OBSL1: variants seen among roughly 807,000 people sequenced by gnomAD.
OBSL1 encodes the protein obscurin-like protein 1.
Under a neutral mutation model 172.0 loss-of-function variants are expected in OBSL1, and 160 were observed. That is an observed-to-expected ratio of 0.93 (90% CI 0.82 to 1.06). OBSL1 has a LOEUF of 1.06. Among genes scored for constraint, OBSL1 ranks in the 50% least tolerant of loss-of-function variants. The probability of loss-of-function intolerance (pLI) is 0.00; values close to 1 mark genes in which losing one functional copy is unlikely to be tolerated. For missense variants in OBSL1, 2,681 were observed against 2,715.4 expected, an observed-to-expected ratio of 0.99 and a Z score of 0.28; for synonymous variants, 1,200 against 1,196.3, an observed-to-expected ratio of 1.00 and a Z score of -0.06.
In OBSL1 at chr2:219,570,560, G is replaced by A; in HGVS notation, c.673C>T (p.Gln225Ter). ...GGGCTCTCGGGGGGCTGGTGCACCT[G>A]GAGCAGCGCCCCCGCCTGCGCGTGG... ...HGHAQAGALL[Q>*]VHQPPESPPA... Residue 225 changes from glutamine (Q) to a stop codon, truncating the protein, a stop_gained, in exon 1 of 21, where the codon CAG becomes TAG. Transcript: ENST00000404537. LOFTEE classifies it high-confidence loss of function. The A allele has an allele frequency of 6.4e-7, 1 of 1,567,462 alleles. No homozygotes were observed. The highest frequency in any genetic ancestry group is 8.6e-7 in the Non-Finnish European group (1 of 1,159,080).
In OBSL1 at chr2:219,567,129, G is replaced by A; in HGVS notation, c.1838-3C>T. ...TGCCACCAGGCGAGCTGTGGGCACTGAGGCAGGGACAGAGTGCAGCTGTCA... is the reference window on the plus strand; with the variant it reads ...TGCCACCAGGCGAGCTGTGGGCACTAAGGCAGGGACAGAGTGCAGCTGTCA... On this transcript the variant is annotated splice_polypyrimidine_tract_variant and splice_region_variant and intron_variant, in intron 4 of 20. Coordinates refer to ENST00000404537, the MANE Select transcript of OBSL1 (RefSeq NM_015311.3). 6.2e-7 allele frequency: 1 copy of A among 1,612,754 alleles called. No homozygotes were observed. The highest frequency in any genetic ancestry group is 1.1e-5 in the South Asian group (1 of 90,966).
intron 8 of OBSL1, chr2:219,561,980 A>G: frequency 1.4e-6 from 1 of 717,590 alleles, no homozygotes; most frequent in Non-Finnish European, 2.6e-6. Flanking sequence ...CCGGATTGTT[A>G]TTTGAACTGT....
chr2:219,552,607 T>G lies in OBSL1; in HGVS notation c.5237A>C (p.Glu1746Ala). The G allele has an allele frequency of 6.3e-7, 1 of 1,578,390 alleles. No individual in the cohort carries two copies. Among genetic ancestry groups the G allele is most frequent in the South Asian group, 1.1e-5 (1 of 87,384 alleles). Residue 1746 changes from glutamate (E) to alanine (A), a missense_variant, in exon 18 of 21, where the codon GAG becomes GCG. Around this residue, in one of 5 missense-constraint regions of OBSL1, gnomAD observed 1,765 missense variants for 1,748.3 expected, o/e 1.01. Coordinates refer to ENST00000404537, the MANE Select transcript of OBSL1 (RefSeq NM_015311.3). ...ATFECTVSEVETTGRWELGGR... is the reference protein window; with the variant it reads ...ATFECTVSEVATTGRWELGGR... ...TCCGAGCTCCCAGCGCCCCGTGGTC[T>G]CGACCTCCGACACGGTGCACTCGAA... is the stretch of plus-strand genomic sequence containing the variant.
chr2:219,569,799 T>C (rs1183588834), intron 1 of OBSL1, among the ~76,000 whole-genome samples: 5 of 152,246 alleles, frequency 3.3e-5, no homozygotes, highest in Admixed American at 6.5e-5. Flanking sequence ...GAAGTACCTG[T>C]TATATACGTA....
In OBSL1 at chr2:219,563,623, A is replaced by G. The variant is rs1696663548; in HGVS notation, c.2412T>C (p.Pro804=). The G allele has an allele frequency of 1.2e-6, 2 of 1,610,884 alleles. No homozygotes were observed. The highest frequency in any genetic ancestry group is 8.5e-7 in the Non-Finnish European group (1 of 1,177,706). ...SAFFGVTVQD[P]PVHIVDPREH... ...CTCGGGGGTCCACGATGTGCACGGG[A>G]GGATCTGGGTGGGAAGCAGAGATGG... Residue 804 remains proline, a synonymous_variant, in exon 7 of 21, where the codon CCT becomes CCC. Transcript: ENST00000404537.
Position 219,558,271 on chromosome 2 carries a change from T to G in OBSL1, c.3415A>C (p.Thr1139Pro), listed in dbSNP as rs748797002. The G allele has an allele frequency of 1.1e-5, 17 of 1,610,802 alleles. No homozygotes were observed. Among genetic ancestry groups the G allele is most frequent in the Non-Finnish European group, 1.3e-5 (15 of 1,178,780 alleles). Residue 1139 changes from threonine (T) to proline (P), a missense_variant, in exon 10 of 21, where the codon ACC (threonine) becomes CCC (proline). This residue lies in a region of OBSL1 where 1,765 missense variants were observed against 1,748.3 expected (regional missense o/e 1.01). Transcript: ENST00000404537. ...LGAEGPTRTL[T>P]LPHAQPEDAG... ...TCCTCAGGCTGGGCGTGGGGCAGGG[T>G]CAGGGTGCGGGTGGGCCCCTCGGCA...
downstream of OBSL1, chr2:219,547,752 C>T (rs142570425): frequency 1.3e-4 from 215 of 1,594,446 alleles, no homozygotes; most frequent in Admixed American, 2.8e-4. Context: ...CTGGGCTCCG[C>T]ACCCTACTAC....
At chr2:219,562,830 A>G (rs1295573727) in intron 7 of OBSL1, 156 bp from the exon 8 acceptor site, 14 of 759,370 alleles carry the variant, frequency 1.8e-5, no homozygotes, top group Admixed American at 8.3e-5. Context: ...ACTCACAGCT[A>G]GAGACACACG....
At chr2:219,550,651 C>T (rs904897092), downstream of OBSL1, 49 of 719,562 alleles carry the variant, frequency 6.8e-5, no homozygotes, top group South Asian at 6.9e-4. Flanking sequence ...CTACAGCCCT[C>T]GGTCCCCAGT....
intron 7 of OBSL1, 28 bp from the exon 8 acceptor site, chr2:219,562,702 G>A (rs1443061711): frequency 2.0e-6 from 3 of 1,519,116 alleles, no homozygotes; most frequent in Non-Finnish European, 1.8e-6. Flanking sequence ...CCACTGCCGG[G>A]CATGAGGGGT....
chr2:219,566,751 A>T, intron 5 of OBSL1, 79 bp downstream of exon 5: 1 of 1,428,434 alleles, frequency 7.0e-7, no homozygotes, highest in South Asian at 1.5e-5. Context: ...AGAAATAAAA[A>T]CAGCATCTGC....
At position 219,557,860 on chromosome 2, in the gene OBSL1, G is replaced by C; in HGVS notation, c.3753C>G (p.Pro1251=). 1.2e-6 allele frequency: 2 copies of C among 1,600,326 alleles called. No individual in the cohort carries two copies. ...CGGTGAAGCTGAGGCTTGGGGCTCC[G>C]GGGGCTGCTCCAGACTGGCAGGTGT... The part of the protein sequence containing the change: ...GLYTCQSGAA[P]GAPSLSFTVQ... Residue 1251 remains proline (P), a synonymous_variant, in exon 11 of 21, where the codon CCC becomes CCG. Transcript: ENST00000404537.
Position 219,552,644 on chromosome 2 carries a change from C to T in OBSL1, c.5200G>A (p.Asp1734Asn). 1 of 1,550,780 alleles carries T rather than the reference C, an allele frequency of 6.4e-7. No individual in the cohort carries two copies. Among genetic ancestry groups the T allele is most frequent in the Non-Finnish European group, 8.7e-7 (1 of 1,152,736 alleles). Residue 1734 changes from aspartate to asparagine, a missense_variant, in exon 18 of 21, where the codon GAC becomes AAC. Physicochemically the swap from Asp to Asn is conservative, Grantham distance 23 (BLOSUM62 1). Coordinates refer to ENST00000404537, the MANE Select transcript of OBSL1 (RefSeq NM_015311.3). ...ACGGTGCACTCGAACGTAGCGCCGT[C>T]GCCTTCGCGGGCGCTCACCGACCGC... ...ELRSVSAREG[D>N]GATFECTVSE...
intron 8 of OBSL1, among the ~76,000 whole-genome samples, chr2:219,560,556 GC>G (rs925801279): frequency 6.3e-5 from 9 of 142,222 alleles, no homozygotes; most frequent in African/African-American, 2.0e-4. Flanking sequence ...TTAGCCTCTG[GC>G]CCCCTGGTGG....
intron 1 of OBSL1, 138 bp downstream of exon 1, chr2:219,570,083 G>T: frequency 1.3e-6 from 1 of 741,852 alleles, no homozygotes; most frequent in Admixed American, 3.2e-5. Context: ...AGAGGCGGGC[G>T]GGTTTGGTAT....
At chr2:219,549,211 C>G, downstream of OBSL1, 2 of 1,613,954 alleles carry the variant, frequency 1.2e-6, no homozygotes, top group Non-Finnish European at 8.5e-7. Flanking sequence ...GCAGGAAGAT[C>G]GCAAGGAGAA....
intron 6 of OBSL1, 101 bp downstream of exon 6, chr2:219,565,141 G>A: frequency 7.7e-7 from 1 of 1,293,688 alleles, no homozygotes; most frequent in South Asian, 1.5e-5. Context: ...GACTCTCCCT[G>A]TAAAGGACTC....
chr2:219,566,196 A>G (rs1191121044), intron 5 of OBSL1, among the ~76,000 whole-genome samples: 1 of 152,238 alleles, frequency 6.6e-6, no homozygotes, highest in African/African-American at 2.4e-5. Context: ...CCTGGCCAAC[A>G]TGGCGAAGCC....
In OBSL1 at chr2:219,571,341, G is replaced by A. The variant is rs1697340687; in HGVS notation, c.-109C>T. 1 of 653,012 alleles carries A rather than the reference G, an allele frequency of 1.5e-6. No homozygotes were observed. Among genetic ancestry groups the A allele is most frequent in the African/African-American group, 1.9e-5 (1 of 52,572 alleles). 40.5% of individuals were successfully genotyped at this position (653,012 alleles called of 1,614,324 possible). On this transcript the variant is annotated 5_prime_UTR_variant, in exon 1 of 21. Coordinates refer to ENST00000404537, the MANE Select transcript of OBSL1 (RefSeq NM_015311.3). ...GTCGGGGCGCGGCTGGGGACTGGGC[G>A]CGGGGACCCGCGGAGCTCTCCCGGG...
Sources: allele counts gnomAD v4.1 joint callset (sites outside exome capture counted in the v4.1 genomes callset), GRCh38; gene constraint gnomAD v4.1.1; regional missense constraint gnomAD v4.1.1; transcripts MANE v1.5; gene names NCBI Gene and HGNC (gene_info 2026-07-23, HGNC 2026-07-21).